The following CFAP100 variants were observed in gnomAD, a reference collection of about 807,000 sequenced individuals.
The protein encoded by CFAP100 is cilia- and flagella-associated protein 100.
A neutral mutation model predicts 81.5 loss-of-function variants in CFAP100; 70 were observed. The ratio of observed to expected loss-of-function variants is 0.86; its 90% CI spans 0.71 to 1.05. CFAP100 has a LOEUF of 1.05. Ranked by LOEUF, CFAP100 falls within the 50% of genes least tolerant of loss-of-function variation. The pLI is 0.00. For missense variants in CFAP100, 811 were observed against 776.5 expected, an observed-to-expected ratio of 1.04 and a Z score of -0.53; for synonymous variants, 341 against 314.8, an observed-to-expected ratio of 1.08 and a Z score of -0.88.
At chr3:126,431,864 T>C (rs1933243494) in intron 13 of CFAP100, among the ~76,000 whole-genome samples, 1 of 152,154 alleles carries the variant, frequency 6.6e-6, no homozygotes. Flanking sequence ...TCTGATTCAA[T>C]AGGCATGGGT....
chr3:126,434,637 A>T (rs761577046), intron 15 of CFAP100: 2 of 474,408 alleles, frequency 4.2e-6, no homozygotes, highest in Non-Finnish European at 7.6e-6. Context: ...CAGGGTCTAG[A>T]AGATAGAAGA....
At chr3:126,398,650 G>A (rs151188354) in intron 2 of CFAP100, among the ~76,000 whole-genome samples, 1 of 152,354 alleles carries the variant, frequency 6.6e-6, no homozygotes, top group African/African-American at 2.4e-5. Context: ...GCTGGAGGCA[G>A]GAGTTTAATT....
intron 3 of CFAP100, among the ~76,000 whole-genome samples, chr3:126,413,543 G>A (rs945085814): frequency 6.6e-6 from 1 of 152,202 alleles, no homozygotes; most frequent in African/African-American, 2.4e-5. Context: ...TTAGGAGTGG[G>A]ACAAGAGTCC....
intron 3 of CFAP100, among the ~76,000 whole-genome samples, chr3:126,411,874 C>A (rs907532362): frequency 6.6e-6 from 1 of 151,940 alleles, no homozygotes; most frequent in Admixed American, 6.6e-5. Context: ...TTTCATTTAT[C>A]CTTTGTATTT....
intron 2 of CFAP100, among the ~76,000 whole-genome samples, chr3:126,398,653 G>T (rs1053961314): frequency 6.6e-6 from 1 of 152,362 alleles, no homozygotes; most frequent in Admixed American, 6.5e-5. Context: ...GGAGGCAGGA[G>T]TTTAATTTGG....
At chr3:126,420,602 A>G (rs1439302671) in intron 11 of CFAP100, 1 of 231,114 alleles carries the variant, frequency 4.3e-6, no homozygotes, top group African/African-American at 2.3e-5. Context: ...GGGTGTGGAC[A>G]GTGGATTGGG....
At chr3:126,423,689 T>C in intron 13 of CFAP100, 45 bp downstream of exon 13, 1 of 1,610,312 alleles carries the variant, frequency 6.2e-7, no homozygotes, top group East Asian at 2.2e-5. Flanking sequence ...GCCGCTCTCA[T>C]CCTGGGATCC....
At chr3:126,429,162 G>C (rs10934775) in intron 13 of CFAP100, among the ~76,000 whole-genome samples, 47,853 of 147,396 alleles carry the variant, frequency 0.32, 7,682 homozygotes, top group East Asian at 0.37. Flanking sequence ...TTCTTTAAAT[G>C]TTTGGTAGAA....
chr3:126,397,551 T>C (rs2082907930), intron 2 of CFAP100, among the ~76,000 whole-genome samples: 1 of 152,234 alleles, frequency 6.6e-6, no homozygotes, highest in Non-Finnish European at 1.5e-5. Flanking sequence ...GAGTGCCTAG[T>C]TGGGGTACCC....
intron 2 of CFAP100, among the ~76,000 whole-genome samples, chr3:126,403,341 C>T (rs2083016034): frequency 1.3e-5 from 2 of 150,848 alleles, no homozygotes; most frequent in Non-Finnish European, 2.9e-5. Flanking sequence ...ATGTTTGGAA[C>T]TCATGTCACA....
intron 4 of CFAP100, 31 bp downstream of exon 4, chr3:126,414,210 C>T (rs373034364): frequency 5.0e-5 from 76 of 1,522,102 alleles, no homozygotes; most frequent in African/African-American, 4.4e-4. Flanking sequence ...CCAGCACCTC[C>T]GGGAGCTTCC....
chr3:126,395,936 C>T lies in CFAP100; in HGVS notation c.-59-6C>T. ...CACCAGGCTCAAGCACTGTGTCACT[C>T]CTCAGGTGAGGATCTCCTTTAGAAG... On this transcript the variant is annotated splice_region_variant and splice_polypyrimidine_tract_variant and intron_variant, in intron 1 of 16. Coordinates refer to ENST00000352312, the MANE Select transcript of CFAP100 (RefSeq NM_182628.3). 3 of 1,399,002 alleles carry T rather than the reference C, an allele frequency of 2.1e-6. No homozygotes were observed. Among genetic ancestry groups the T allele is most frequent in the Non-Finnish European group, 3.0e-6 (3 of 985,926 alleles). 86.7% of individuals were successfully genotyped at this position (1,399,002 alleles called of 1,614,324 possible).
intron 4 of CFAP100, 99 bp from the exon 5 acceptor site, chr3:126,416,217 G>A (rs1294146771): frequency 7.0e-6 from 5 of 710,994 alleles, no homozygotes; most frequent in South Asian, 6.9e-5. Flanking sequence ...CCGCGTCCTC[G>A]CGCGCAAACC....
chr3:126,397,842 G>A (rs1184414474), intron 2 of CFAP100, among the ~76,000 whole-genome samples: 1 of 152,244 alleles, frequency 6.6e-6, no homozygotes, highest in African/African-American at 2.4e-5. Flanking sequence ...GAGGTTTGGG[G>A]ATGCTGAGCC....
intron 16 of CFAP100, among the ~76,000 whole-genome samples, chr3:126,435,882 C>A (rs1216822490): frequency 2.6e-5 from 4 of 152,166 alleles, no homozygotes; most frequent in Admixed American, 1.3e-4. Flanking sequence ...CCTGGTTCAG[C>A]CATGCCCACC....
chr3:126,431,636 G>A (rs929235319), intron 13 of CFAP100, among the ~76,000 whole-genome samples: 3 of 152,152 alleles, frequency 2.0e-5, no homozygotes, highest in African/African-American at 7.2e-5. Flanking sequence ...AAGAGCTGAG[G>A]ACCCCCTATT....
At chr3:126,433,400 C>T (rs1002316454) in intron 14 of CFAP100, 196 bp downstream of exon 14, 22 of 598,932 alleles carry the variant, frequency 3.7e-5, no homozygotes, top group South Asian at 2.8e-4. Context: ...GTTGCCCCCA[C>T]GCCTCATCCA....
chr3:126,421,972 C>T (rs1340468038), intron 11 of CFAP100, among the ~76,000 whole-genome samples: 2 of 152,252 alleles, frequency 1.3e-5, no homozygotes, highest in East Asian at 3.8e-4. Flanking sequence ...CCATGGACTG[C>T]CCCCTACCAG....
intron 5 of CFAP100, chr3:126,418,017 TCAGCC>T: frequency 6.0e-6 from 1 of 167,682 alleles, no homozygotes; most frequent in South Asian, 1.6e-4. Context: ...CAGTGTAGAC[TCAGCC>T]TCTGCCCAGT....
Sources: gnomAD v4.1 joint callset for allele counts (sites outside exome capture counted in the v4.1 genomes callset) on GRCh38, gnomAD v4.1.1 for gene constraint, MANE v1.5 for transcripts, NCBI Gene and HGNC (gene_info 2026-07-23, HGNC 2026-07-21) for gene names.